Variants in NAALADL2 observed in about 807,000 individuals in gnomAD.
NAALADL2 encodes inactive N-acetylated-alpha-linked acidic dipeptidase-like protein 2.
NAALADL2 carries 76 observed loss-of-function variants against 87.2 expected under a neutral mutation model. That is an observed-to-expected ratio of 0.87 (90% CI 0.72 to 1.05). The LOEUF is 1.05. NAALADL2 is among the 50% of genes least tolerant of loss of function. The pLI is 0.00. For synonymous variants in NAALADL2, 354 were observed against 331.0 expected (o/e 1.07, Z -0.75); for missense variants, 1,089 against 945.8 (o/e 1.15, Z -1.99).
intron 2 of NAALADL2, among the ~76,000 whole-genome samples, chr3:175,233,719 T>C (rs566127326): frequency 6.6e-6 from 1 of 152,286 alleles, no homozygotes; most frequent in South Asian, 2.1e-4. Flanking sequence ...ATCACAGGCA[T>C]GAGCTACCAC....
intron 2 of NAALADL2, among the ~76,000 whole-genome samples, chr3:174,650,989 G>C (rs1578427781): frequency 6.6e-6 from 1 of 151,968 alleles, no homozygotes; most frequent in Non-Finnish European, 1.5e-5. Context: ...GAGAACAACT[G>C]TCCAGGTTCT....
intron 5 of NAALADL2, among the ~76,000 whole-genome samples, chr3:175,410,609 A>AT (rs397829178): frequency 4.0e-5 from 6 of 151,394 alleles, no homozygotes; most frequent in Non-Finnish European, 8.8e-5. Context: ...GGAAAAAAAA[A>AT]TGGCCACTTA....
rs1426714051 is a variant in NAALADL2 at position 174,964,643 on chromosome 3, A to G, written c.43+105193A>G. On this transcript the variant is annotated intron_variant, in intron 1 of 13. Coordinates refer to ENST00000454872, the MANE Select transcript of NAALADL2 (RefSeq NM_207015.3). ...CAATAAGAAGGGAATAGCTACTTAT[A>G]TCTGGTACTGTGAGAGGTAAAGAAA... Among the ~76,000 whole-genome samples, 3 of 152,092 alleles carry G rather than the reference A, an allele frequency of 2.0e-5. No individual in the cohort carries two copies. In the East Asian group the frequency reaches 5.8e-4, roughly 29 times the overall value.
In NAALADL2 at chr3:175,803,047, A is replaced by G. The variant is rs564063084; in HGVS notation, c.2232A>G (p.Ser744=). 56 of 1,612,396 alleles carry G rather than the reference A, an allele frequency of 3.5e-5. No individual in the cohort carries two copies. The East Asian group carries it at 5.8e-4, about 17-fold the overall frequency. ...TTGATGAAAAGACAAGCCGGTTTTC[A>G]ATACTTATAGAGGCTTGGGAACACT... The part of the protein sequence containing the change: ...YHLDEKTSRF[S]ILIEAWEHCK... The change falls in exon 14 of 14, where the codon TCA becomes TCG. Residue 744 remains serine (S), a synonymous_variant. Transcript: ENST00000454872.
At chr3:174,667,858 T>A (rs73882487) in intron 2 of NAALADL2, among the ~76,000 whole-genome samples, 6,803 of 152,152 alleles carry the variant, frequency 0.045, 537 homozygotes, top group African/African-American at 0.16. Context: ...TTTTCTTTTT[T>A]AAAAAATAGT....
intron 2 of NAALADL2, among the ~76,000 whole-genome samples, chr3:175,226,961 C>T (rs1744244545): frequency 6.6e-6 from 1 of 152,054 alleles, no homozygotes; most frequent in Admixed American, 6.6e-5. Flanking sequence ...AATTTTACTA[C>T]ATTGGATACC....
In NAALADL2 at chr3:175,056,511, C is replaced by T. The variant is rs1205994251; in HGVS notation, c.44-40279C>T. ...GCCCCCACGTATGGGTGCCACTTGC[C>T]AAGACAAGGTGGGTCAGGGAGATCC... is the stretch of plus-strand genomic sequence containing the variant. On this transcript the variant is annotated intron_variant, in intron 1 of 13. Coordinates refer to ENST00000454872, the MANE Select transcript of NAALADL2 (RefSeq NM_207015.3). 2.6e-5 allele frequency among the ~76,000 whole-genome samples: 4 copies of T among 152,194 alleles called. No individual in the cohort carries two copies. In the East Asian group the frequency reaches 7.8e-4, roughly 30 times the overall value.
intron 9 of NAALADL2, among the ~76,000 whole-genome samples, chr3:175,474,828 T>A (rs77272382): frequency 0.03 from 4,581 of 152,142 alleles, 212 homozygotes; most frequent in African/African-American, 0.1. Context: ...AGGTTTTTTC[T>A]TGTGTAGATA....
chr3:174,971,665 C>CTGTGTGTGTG lies in NAALADL2; in HGVS notation c.43+112243_43+112252dup, dbSNP rs10662918. On this transcript the variant is annotated intron_variant, in intron 1 of 13. Coordinates refer to ENST00000454872, the MANE Select transcript of NAALADL2 (RefSeq NM_207015.3). ...CAACTCAAACAGTCAGTATGCTAGA[C>CTGTGTGTGTG]TGTGTGTGTGTGTGTGTGTGTGTGT... 9.4e-3 allele frequency among the ~76,000 whole-genome samples: 1,368 copies of CTGTGTGTGTG among 144,790 alleles called. 9 individuals carry two copies. The highest frequency in any genetic ancestry group is 0.012 in the African/African-American group (480 of 38,760). 95.0% of individuals were successfully genotyped at this position (144,790 alleles called of 152,430 possible). A position where few individuals can be genotyped will look rare whatever the true frequency, so the allele number is the denominator to read the frequency against.
At chr3:174,987,291 C>T (rs186009196) in intron 1 of NAALADL2, among the ~76,000 whole-genome samples, 53 of 152,048 alleles carry the variant, frequency 3.5e-4, no homozygotes, top group Admixed American at 5.9e-4. Context: ...AATACTCGGC[C>T]GGGCGCGGTG....
chr3:175,243,375 A>G (rs1355879588), intron 3 of NAALADL2, among the ~76,000 whole-genome samples: 1 of 151,400 alleles, frequency 6.6e-6, no homozygotes, highest in Non-Finnish European at 1.5e-5. Context: ...AGCACAAACC[A>G]GTTTATTTCA....
intron 2 of NAALADL2, among the ~76,000 whole-genome samples, chr3:175,189,644 G>A (rs974267443): frequency 6.6e-6 from 1 of 152,052 alleles, no homozygotes; most frequent in Non-Finnish European, 1.5e-5. Context: ...CTTACTATCC[G>A]AGACAATACA....
intron 4 of NAALADL2, among the ~76,000 whole-genome samples, chr3:175,295,893 T>G (rs1009529008): frequency 6.6e-6 from 1 of 151,994 alleles, no homozygotes; most frequent in Admixed American, 6.6e-5. Flanking sequence ...TCATCATGAG[T>G]TGGAATCTAA....
chr3:175,043,447 C>T (rs560472392), intron 1 of NAALADL2, among the ~76,000 whole-genome samples: 1 of 152,224 alleles, frequency 6.6e-6, no homozygotes, highest in South Asian at 2.1e-4. Context: ...TCACATTTGT[C>T]AGGCTGGCCT....
At chr3:175,095,489 C>T (rs73039208) in intron 1 of NAALADL2, among the ~76,000 whole-genome samples, 7,886 of 151,986 alleles carry the variant, frequency 0.052, 589 homozygotes, top group African/African-American at 0.16. Context: ...TTTAGGGCAG[C>T]ATATGAAAAT....
At chr3:175,450,302 A>G (rs1430793329) in intron 6 of NAALADL2, among the ~76,000 whole-genome samples, 1 of 152,164 alleles carries the variant, frequency 6.6e-6, no homozygotes, top group Non-Finnish European at 1.5e-5. Context: ...AGCAATGCTT[A>G]TTATTTAAGG....
intron 1 of NAALADL2, among the ~76,000 whole-genome samples, chr3:175,011,234 C>G (rs1006561195): frequency 2.1e-5 from 3 of 145,040 alleles, no homozygotes; most frequent in Non-Finnish European, 4.5e-5. Context: ...GATTCAGCCA[C>G]AGAGAGAGGG....
intron 1 of NAALADL2, among the ~76,000 whole-genome samples, chr3:174,863,570 A>C (rs1726774274): frequency 6.6e-6 from 1 of 151,994 alleles, no homozygotes; most frequent in African/African-American, 2.4e-5. Flanking sequence ...TATTTAAAAT[A>C]AGTAAAAGAA....
chr3:175,505,032 A>G (rs904090862), intron 9 of NAALADL2, among the ~76,000 whole-genome samples: 12 of 152,168 alleles, frequency 7.9e-5, no homozygotes, highest in African/African-American at 2.9e-4. Flanking sequence ...TTATTGAGAG[A>G]TGGATCCCAG....
Sources: gnomAD v4.1 joint callset for allele counts (sites outside exome capture counted in the v4.1 genomes callset) on GRCh38, gnomAD v4.1.1 for gene constraint, MANE v1.5 for transcripts, NCBI Gene and HGNC (gene_info 2026-07-23, HGNC 2026-07-21) for gene names.